Variants in XRCC4 observed in about 807,000 individuals in gnomAD.
XRCC4 encodes DNA repair protein XRCC4.
Under a neutral mutation model 39.1 loss-of-function variants are expected in XRCC4, and 28 were observed. The observed-to-expected ratio is 0.72, with a 90% CI of 0.53 to 0.98. The LOEUF is 0.98. XRCC4 is among the 50% of genes least tolerant of loss of function. The pLI is 0.00. For missense variants in XRCC4, 350 were observed against 376.4 expected, an observed-to-expected ratio of 0.93 and a Z score of 0.58; for synonymous variants, 123 against 126.4, an observed-to-expected ratio of 0.97 and a Z score of 0.18.
intron 2 of XRCC4, among the ~76,000 whole-genome samples, chr5:83,109,139 C>T (rs1746332584): frequency 6.6e-6 from 1 of 151,780 alleles, no homozygotes; most frequent in Non-Finnish European, 1.5e-5. Context: ...GTCTTCCAGA[C>T]ACTTGATAGC....
At chr5:83,267,762 C>G (rs1317615891) in intron 7 of XRCC4, among the ~76,000 whole-genome samples, 2 of 152,028 alleles carry the variant, frequency 1.3e-5, no homozygotes, top group Admixed American at 1.3e-4. Flanking sequence ...GTTTTGTTCT[C>G]TTTGTTAGAG....
chr5:83,087,915 C>A (rs985703130), intron 1 of XRCC4, among the ~76,000 whole-genome samples: 2 of 151,996 alleles, frequency 1.3e-5, no homozygotes, highest in South Asian at 4.1e-4. Flanking sequence ...GTACCTTGGC[C>A]AAAGTGGAAT....
intron 7 of XRCC4, among the ~76,000 whole-genome samples, chr5:83,310,550 C>CCAT (rs1334017829): frequency 6.6e-6 from 1 of 152,142 alleles, no homozygotes; most frequent in Non-Finnish European, 1.5e-5. Flanking sequence ...CTCAGAAAAG[C>CCAT]CATCAATTTC....
intron 3 of XRCC4, among the ~76,000 whole-genome samples, chr5:83,172,184 G>C (rs1448527823): frequency 6.6e-6 from 1 of 152,092 alleles, no homozygotes; most frequent in African/African-American, 2.4e-5. Context: ...TTCCCTGTCA[G>C]TGTTTATATG....
At chr5:83,193,314 T>C (rs1750794840) in intron 3 of XRCC4, among the ~76,000 whole-genome samples, 1 of 152,222 alleles carries the variant, frequency 6.6e-6, no homozygotes, top group African/African-American at 2.4e-5. Context: ...TAAAATCCTT[T>C]TCTTTGATTA....
At chr5:83,113,516 T>A (rs1198893385) in intron 3 of XRCC4, among the ~76,000 whole-genome samples, 2 of 152,182 alleles carry the variant, frequency 1.3e-5, no homozygotes, top group Non-Finnish European at 2.9e-5. Context: ...GGACTCTGTA[T>A]AGGGGCTCCA....
At chr5:83,161,252 G>A (rs1281548745) in intron 3 of XRCC4, among the ~76,000 whole-genome samples, 1 of 151,540 alleles carries the variant, frequency 6.6e-6, no homozygotes, top group Non-Finnish European at 1.5e-5. Context: ...CTGGGATTAT[G>A]GGCACCCACC....
chr5:83,151,804 T>C (rs1748716386), intron 3 of XRCC4, among the ~76,000 whole-genome samples: 1 of 152,166 alleles, frequency 6.6e-6, no homozygotes, highest in Non-Finnish European at 1.5e-5. Context: ...GATAAAAGGA[T>C]ATAGTAACAT....
chr5:83,105,574 T>A (rs1198035765), intron 2 of XRCC4, among the ~76,000 whole-genome samples: 6 of 152,304 alleles, frequency 3.9e-5, no homozygotes, highest in African/African-American at 1.4e-4. Context: ...GCTGTGATTT[T>A]AGGAAATAGA....
At chr5:83,129,838 A>T (rs1376167022) in intron 3 of XRCC4, among the ~76,000 whole-genome samples, 2 of 152,068 alleles carry the variant, frequency 1.3e-5, no homozygotes, top group East Asian at 1.9e-4. Context: ...ACTTTGCTGA[A>T]GTTGCTTATC....
chr5:83,259,754 G>A (rs1008356642), intron 7 of XRCC4, among the ~76,000 whole-genome samples: 1 of 151,916 alleles, frequency 6.6e-6, no homozygotes, highest in African/African-American at 2.4e-5. Context: ...ATTTTCTCAG[G>A]TTTAATTTTC....
intron 1 of XRCC4, among the ~76,000 whole-genome samples, chr5:83,103,411 A>G (rs1042297353): frequency 6.6e-6 from 1 of 152,144 alleles, no homozygotes; most frequent in Admixed American, 6.6e-5. Flanking sequence ...ATTGGCTAAC[A>G]TGAAAACCAT....
At chr5:83,320,498 T>G (rs1425530311) in intron 7 of XRCC4, among the ~76,000 whole-genome samples, 2 of 151,202 alleles carry the variant, frequency 1.3e-5, no homozygotes, top group Non-Finnish European at 2.9e-5. Flanking sequence ...AAAGCAGAGG[T>G]GGGGTTTGAG....
chr5:83,265,526 G>C (rs1180720796), intron 7 of XRCC4, among the ~76,000 whole-genome samples: 3 of 152,130 alleles, frequency 2.0e-5, no homozygotes, highest in African/African-American at 7.2e-5. Flanking sequence ...ATTATGGTCA[G>C]TGCACTTCAA....
chr5:83,119,219 A>G (rs1746881006), intron 3 of XRCC4, among the ~76,000 whole-genome samples: 1 of 152,216 alleles, frequency 6.6e-6, no homozygotes, highest in Non-Finnish European at 1.5e-5. Flanking sequence ...TCAGAATTGT[A>G]GCATTTATTG....
intron 7 of XRCC4, among the ~76,000 whole-genome samples, chr5:83,335,560 AT>A (rs1317130529): frequency 1.3e-5 from 2 of 152,004 alleles, no homozygotes; most frequent in Non-Finnish European, 2.9e-5. Flanking sequence ...TCACTGTAGC[AT>A]ATTATAATTA....
chr5:83,092,705 A>G (rs963459642), intron 1 of XRCC4, among the ~76,000 whole-genome samples: 4 of 152,118 alleles, frequency 2.6e-5, no homozygotes, highest in African/African-American at 9.6e-5. Flanking sequence ...ATCAGGTTAA[A>G]ATAGACAGAA....
chr5:83,114,766 T>A (rs1746627494), intron 3 of XRCC4, among the ~76,000 whole-genome samples: 2 of 152,224 alleles, frequency 1.3e-5, no homozygotes, highest in African/African-American at 4.8e-5. Flanking sequence ...GTTCCGAAGT[T>A]TCTTTCACAT....
At chr5:83,327,912 C>T (rs1402309830) in intron 7 of XRCC4, among the ~76,000 whole-genome samples, 2 of 152,022 alleles carry the variant, frequency 1.3e-5, no homozygotes, top group Non-Finnish European at 2.9e-5. Context: ...AGGTCCTAGC[C>T]AGTGCATGCA....
Sources: gnomAD v4.1 joint callset for allele counts (sites outside exome capture counted in the v4.1 genomes callset) on GRCh38, gnomAD v4.1.1 for gene constraint, MANE v1.5 for transcripts, NCBI Gene and HGNC (gene_info 2026-07-23, HGNC 2026-07-21) for gene names.